ANKS3: variants seen among roughly 807,000 people sequenced by gnomAD.
ANKS3 encodes the protein ankyrin repeat and sterile alpha motif domain containing 3, also known as ankyrin repeat and SAM domain-containing protein 3.
In ANKS3, 62 loss-of-function variants were observed where a neutral mutation model predicts 80.7. The ratio of observed to expected loss-of-function variants is 0.77; its 90% CI spans 0.63 to 0.95. The LOEUF (loss-of-function observed/expected upper bound fraction) is 0.95. Among genes scored for constraint, ANKS3 ranks in the 40% least tolerant of loss-of-function variants. ANKS3 has a pLI of 0.00. For synonymous variants in ANKS3, 489 were observed against 355.3 expected (o/e 1.38, Z -4.23); for missense variants, 1,150 against 883.6 (o/e 1.30, Z -3.82).
rs1193287297 is a variant in ANKS3 at position 4,726,733 on chromosome 16, G to A, written c.417C>T (p.Leu139=). The A allele has an allele frequency of 1.9e-6, 3 of 1,614,224 alleles. No homozygotes were observed. The highest frequency in any genetic ancestry group is 2.5e-6 in the Non-Finnish European group (3 of 1,180,032). The part of the protein sequence containing the change: ...EMKDIQGWTA[L]FHCTSAGHQH... ...GGTGCCCGGCGCTGGTACAGTGGAA[G>A]AGGGCTGTCCAGCCCTGGATGTCTT... The change falls in exon 5 of 18, where the codon CTC becomes CTT. Residue 139 remains leucine (L), a synonymous_variant. Transcript: ENST00000304283.
chr16:4,714,073 G>C lies in ANKS3; in HGVS notation c.687C>G (p.Pro229=), dbSNP rs1489180202. 2 of 1,614,062 alleles carry C rather than the reference G, an allele frequency of 1.2e-6. No homozygotes were observed. Among genetic ancestry groups the C allele is most frequent in the Non-Finnish European group, 1.7e-6 (2 of 1,180,036 alleles). Residue 229 remains proline (P), a synonymous_variant, in exon 7 of 18, where the codon CCC becomes CCG. Transcript: ENST00000304283. The part of the protein sequence containing the change: ...ALMDTYSPSL[P]KSLYRSPEKY... ...TACCTGGGCTCCGATAGAGGCTCTT[G>C]GGCAGAGAGGGCGAGTAAGTGTCCA...
intron 3 of ANKS3, chr16:4,728,202 C>A (rs1230983242): frequency 1.3e-5 from 2 of 152,356 alleles, no homozygotes; most frequent in African/African-American, 4.8e-5. Context: ...CCCGCCACTA[C>A]GCCCAGCTAG....
chr16:4,702,243 C>T lies in ANKS3; in HGVS notation c.869-1G>A. 6.4e-7 allele frequency: 1 copy of T among 1,563,952 alleles called. No individual in the cohort carries two copies. The highest frequency in any genetic ancestry group is 1.2e-5 in the South Asian group (1 of 85,494). On this transcript the variant is annotated splice_acceptor_variant, in intron 8 of 17. Coordinates refer to ENST00000304283, the MANE Select transcript of ANKS3 (RefSeq NM_133450.4). LOFTEE classifies it high-confidence loss of function. ...ACATAGCCACGGGGAGGAGCCTGCT[C>T]TGTGTACAGAATGGGGCCCATAAGC...
chr16:4,701,605 GC>G (rs2142035431), intron 9 of ANKS3, 62 bp from the exon 10 acceptor site: 2 of 1,464,332 alleles, frequency 1.4e-6, no homozygotes, highest in Non-Finnish European at 1.8e-6. Context: ...GCATGGGCGT[GC>G]CCCGGGCTGA....
At chr16:4,708,704 G>C (rs1397197001) in intron 7 of ANKS3, among the ~76,000 whole-genome samples, 1 of 151,846 alleles carries the variant, frequency 6.6e-6, no homozygotes, top group Non-Finnish European at 1.5e-5. Context: ...GGAGGCCGAG[G>C]TGGGCAGATC....
intron 11 of ANKS3, 180 bp downstream of exon 11, chr16:4,700,790 C>G: frequency 1.2e-6 from 1 of 848,024 alleles, no homozygotes; most frequent in Non-Finnish European, 2.0e-6. Flanking sequence ...AGAAGCGCTG[C>G]AGCGGGGCTG....
In ANKS3 at chr16:4,698,938, C is replaced by T. The variant is rs764212287; in HGVS notation, c.1413G>A (p.Leu471=). The stretch of plus-strand genomic sequence containing the variant: ...ACGTCATCTTCCTCTTGGGCCCAAA[C>T]AGCCTGCGGGGGGAATGTGACCAGG... ...ESDLKEIGIT[L]FGPKRKMTSA... Residue 471 remains leucine, a synonymous_variant, in exon 13 of 18, where the codon CTG becomes CTA. Transcript: ENST00000304283. The T allele has an allele frequency of 6.2e-7, 1 of 1,602,470 alleles. No homozygotes were observed. Among genetic ancestry groups the T allele is most frequent in the South Asian group, 1.1e-5 (1 of 89,588 alleles).
At chr16:4,723,237 G>C (rs930620886) in intron 6 of ANKS3, among the ~76,000 whole-genome samples, 1 of 152,158 alleles carries the variant, frequency 6.6e-6, no homozygotes, top group African/African-American at 2.4e-5. Context: ...ATTCACAGTT[G>C]TTCAACCATC....
rs1174984750 is a variant in ANKS3 at position 4,714,178 on chromosome 16, C to G, written c.582G>C (p.Lys194Asn). The change falls in exon 7 of 18, where the codon AAG (lysine) becomes AAC (asparagine). Residue 194 changes from lysine to asparagine, a missense_variant. Lys to Asn is a moderately conservative substitution (Grantham distance 94). Coordinates refer to ENST00000304283, the MANE Select transcript of ANKS3 (RefSeq NM_133450.4). ...CTCCACTGTGGTCTCTCGCGTCCAC[C>G]TTGACTCCCTGTGAATGTCCGTGAA... is the stretch of plus-strand genomic sequence containing the variant. ...IVQYFLNHGV[K>N]VDARDHSGAT... 25 of 1,613,964 alleles carry G rather than the reference C, an allele frequency of 1.5e-5. No individual in the cohort carries two copies. The highest frequency in any genetic ancestry group is 2.1e-5 in the Non-Finnish European group (25 of 1,179,984).
intron 9 of ANKS3, 27 bp downstream of exon 9, chr16:4,702,075 G>A (rs763700145): frequency 5.2e-6 from 8 of 1,549,288 alleles, no homozygotes; most frequent in South Asian, 1.2e-5. Context: ...CCTGAGCCAC[G>A]GGCCGGATGG....
Position 4,696,980 on chromosome 16 carries a change from C to T in ANKS3, c.*11+37G>A, listed in dbSNP as rs781765987. On this transcript the variant is annotated intron_variant, in intron 17 of 17. Coordinates refer to ENST00000304283, the MANE Select transcript of ANKS3 (RefSeq NM_133450.4). ...GCAGCCGCCCAGACAGGCCCTGCTG[C>T]TCCCACCACGCGGGATCCAGGCTGG... 3 of 1,598,818 alleles carry T rather than the reference C, an allele frequency of 1.9e-6. No individual in the cohort carries two copies. The Admixed American group carries it at 5.1e-5, about 27-fold the overall frequency.
At chr16:4,707,567 C>T (rs1567345834) in intron 7 of ANKS3, among the ~76,000 whole-genome samples, 1 of 152,038 alleles carries the variant, frequency 6.6e-6, no homozygotes, top group African/African-American at 2.4e-5. Flanking sequence ...CAGGTATGGG[C>T]CATGCCCAGC....
chr16:4,711,508 C>G lies in ANKS3; in HGVS notation c.709+2543G>C, dbSNP rs898250111. Among the ~76,000 whole-genome samples, 5 of 151,460 alleles carry G rather than the reference C, an allele frequency of 3.3e-5. No individual in the cohort carries two copies. In the East Asian group the frequency reaches 1.0e-3, roughly 30 times the overall value. On this transcript the variant is annotated intron_variant, in intron 7 of 17. Coordinates refer to ENST00000304283, the MANE Select transcript of ANKS3 (RefSeq NM_133450.4). ...CCCAGGTGGGCAGACCACCTGAGGT[C>G]GGGAGTTTGAGACCAGCCCGGCCAA...
In ANKS3 at chr16:4,696,573, C is replaced by G. The variant is rs2142010947; in HGVS notation, c.*335G>C. ...TTTCCAGGTGCCCCAGTCCTCATTC[C>G]TAAGGTCCCACCTCAGTTGGCACCT... On this transcript the variant is annotated 3_prime_UTR_variant, in exon 18 of 18. Coordinates refer to ENST00000304283, the MANE Select transcript of ANKS3 (RefSeq NM_133450.4). The G allele has an allele frequency of 5.4e-6, 1 of 186,364 alleles. No individual in the cohort carries two copies. The highest frequency in any genetic ancestry group is 2.4e-3 in the Middle Eastern group (1 of 410). 11.5% of individuals were successfully genotyped at this position (186,364 alleles called of 1,614,324 possible).
chr16:4,699,013 A>G (rs1356361061), intron 12 of ANKS3, 39 bp downstream of exon 12: 1 of 1,614,070 alleles, frequency 6.2e-7, no homozygotes, highest in Non-Finnish European at 8.5e-7. Flanking sequence ...GTTTGCCCCA[A>G]CCCCGGGCTG....
chr16:4,705,341 CGCCGGTTTT>C, intron 7 of ANKS3, 88 bp from the exon 8 acceptor site: 1 of 1,493,628 alleles, frequency 6.7e-7, no homozygotes, highest in Non-Finnish European at 9.1e-7. Context: ...AAGTGACTGT[CGCCGGTTTT>C]GTTAAATTAA....
In ANKS3 at chr16:4,696,706, C is replaced by A. The variant is rs1352851419; in HGVS notation, c.*202G>T. On this transcript the variant is annotated 3_prime_UTR_variant, in exon 18 of 18. Transcript: ENST00000304283. Reference sequence around the variant, plus strand: ...GAGGTTCTGGGTGAGGCCCTCGTCCCGCCTCAGTGCTGGCCCGAGCTGCCG... The same window carrying A: ...GAGGTTCTGGGTGAGGCCCTCGTCCAGCCTCAGTGCTGGCCCGAGCTGCCG... The A allele has an allele frequency of 2.3e-6, 1 of 437,260 alleles. No homozygotes were observed. The highest frequency in any genetic ancestry group is 2.0e-5 in the African/African-American group (1 of 49,708). 27.1% of individuals were successfully genotyped at this position (437,260 alleles called of 1,614,324 possible). A position where few individuals can be genotyped will look rare whatever the true frequency, so the allele number is the denominator to read the frequency against.
At chr16:4,705,042 C>T in intron 8 of ANKS3, 53 bp downstream of exon 8, 1 of 1,592,814 alleles carries the variant, frequency 6.3e-7, no homozygotes, top group Non-Finnish European at 8.6e-7. Context: ...CTTGCCAACA[C>T]AAAATCCTGG....
intron 7 of ANKS3, among the ~76,000 whole-genome samples, chr16:4,709,101 A>AT (rs1166192837): frequency 1.3e-5 from 2 of 151,488 alleles, no homozygotes; most frequent in African/African-American, 2.4e-5. Flanking sequence ...CACTGTCTCT[A>AT]TTTTTTTTAA....
Sources: allele counts gnomAD v4.1 joint callset (sites outside exome capture counted in the v4.1 genomes callset), GRCh38; gene constraint gnomAD v4.1.1; transcripts MANE v1.5; gene names NCBI Gene and HGNC (gene_info 2026-07-23, HGNC 2026-07-21).